The following TENM2 variants were observed in gnomAD, a reference collection of about 807,000 sequenced individuals.
The protein encoded by TENM2 is teneurin transmembrane protein 2, also known as teneurin-2.
A neutral mutation model predicts 245.2 loss-of-function variants in TENM2; 52 were observed. That is an observed-to-expected ratio of 0.21 (90% CI 0.17 to 0.27). TENM2 has a LOEUF of 0.27. TENM2 is among the 10% of genes least tolerant of loss of function. TENM2 has a pLI of 1.00. For missense variants in TENM2, 3,046 were observed against 3,666.8 expected (o/e 0.83, Z 4.37); for synonymous variants, 1,363 against 1,438.9 (o/e 0.95, Z 1.19).
At chr5:167,611,078 G>T (rs577367136) in intron 2 of TENM2, among the ~76,000 whole-genome samples, 7 of 152,278 alleles carry the variant, frequency 4.6e-5, no homozygotes, top group African/African-American at 1.7e-4. Flanking sequence ...TATAGTAGCT[G>T]TAGGCCTTCC....
At position 167,458,367 on chromosome 5, in the gene TENM2, A is replaced by G. The variant is rs182655527; in HGVS notation, c.502+82894A>G. 1.2e-3 allele frequency among the ~76,000 whole-genome samples: 171 copies of G among 145,230 alleles called. 2 individuals are homozygous for G. The South Asian group carries it at 0.015, about 13-fold the overall frequency. On this transcript the variant is annotated intron_variant, in intron 2 of 28. Coordinates refer to ENST00000518659, the Ensembl canonical transcript of TENM2. ...CTGGGTGTGGTGGCACGTGCCTGTG[A>G]TCCCAGCTACTCAGGAGTCTGAGGC...
At chr5:167,020,834 A>T in the TENM2 span, among the ~76,000 whole-genome samples, 3 of 152,196 alleles carry the variant, frequency 2.0e-5, no homozygotes, top group African/African-American at 7.2e-5. Flanking sequence ...TATTAAAGGG[A>T]TGGAGAAGAC....
chr5:167,489,726 T>C (rs1402339840), intron 2 of TENM2, among the ~76,000 whole-genome samples: 3 of 152,226 alleles, frequency 2.0e-5, no homozygotes, highest in Non-Finnish European at 4.4e-5. Context: ...CTAAGCACAG[T>C]ATGTACTGGA....
chr5:167,741,436 G>T (rs1029415588), intron 2 of TENM2, among the ~76,000 whole-genome samples: 3 of 152,162 alleles, frequency 2.0e-5, no homozygotes, highest in African/African-American at 7.2e-5. Flanking sequence ...TCAGGTTTTA[G>T]CACTTAAAGT....
intron 25 of TENM2, among the ~76,000 whole-genome samples, chr5:168,230,294 CTATGAGAT>C (rs1350658214): frequency 6.6e-6 from 1 of 152,212 alleles, no homozygotes; most frequent in African/African-American, 2.4e-5. Flanking sequence ...ATGAAAATCA[CTATGAGAT>C]TATAACAGGT....
At chr5:167,878,603 GTGTTT>G (rs1188982122) in intron 3 of TENM2, among the ~76,000 whole-genome samples, 2 of 128,408 alleles carry the variant, frequency 1.6e-5, no homozygotes, top group Non-Finnish European at 3.5e-5. Context: ...GTGTGTGTGT[GTGTTT>G]CTTGTGGAAT....
intron 6 of TENM2, among the ~76,000 whole-genome samples, chr5:168,056,035 C>T (rs1789516473): frequency 6.6e-6 from 1 of 152,214 alleles, no homozygotes; most frequent in Non-Finnish European, 1.5e-5. Context: ...CTGTCTGCCT[C>T]TCAGTGATGT....
At chr5:168,139,425 TTTAG>T in intron 12 of TENM2, 1 of 455,076 alleles carries the variant, frequency 2.2e-6, no homozygotes, top group East Asian at 6.9e-5. Flanking sequence ...TATAATCTAA[TTTAG>T]TTAGATTACT....
At chr5:167,692,699 A>G (rs1757510165) in intron 2 of TENM2, among the ~76,000 whole-genome samples, 1 of 152,198 alleles carries the variant, frequency 6.6e-6, no homozygotes, top group Admixed American at 6.5e-5. Flanking sequence ...TAAGGTAGGG[A>G]GACCCAGCTG....
At chr5:167,978,190 A>G (rs1782580677) in intron 4 of TENM2, among the ~76,000 whole-genome samples, 1 of 152,126 alleles carries the variant, frequency 6.6e-6, no homozygotes, top group Admixed American at 6.5e-5. Flanking sequence ...TTTGTAAATT[A>G]CCCAGTCTCA....
At chr5:167,857,090 A>G (rs148116740) in intron 2 of TENM2, among the ~76,000 whole-genome samples, 59 of 152,264 alleles carry the variant, frequency 3.9e-4, no homozygotes, top group African/African-American at 1.4e-3. Flanking sequence ...TATTCAATAC[A>G]TATGTGTTCA....
At chr5:167,931,241 A>G (rs1778256763) in intron 3 of TENM2, among the ~76,000 whole-genome samples, 1 of 152,230 alleles carries the variant, frequency 6.6e-6, no homozygotes, top group Admixed American at 6.5e-5. Context: ...GATTCCTGCT[A>G]TGCAAACAGA....
At chr5:167,518,040 A>C (rs1582268511) in intron 2 of TENM2, among the ~76,000 whole-genome samples, 1 of 152,000 alleles carries the variant, frequency 6.6e-6, no homozygotes, top group Non-Finnish European at 1.5e-5. Flanking sequence ...TACAAAAATT[A>C]GTCGGATGTT....
intron 4 of TENM2, among the ~76,000 whole-genome samples, chr5:167,990,790 G>A (rs1433416522): frequency 6.6e-6 from 1 of 152,164 alleles, no homozygotes; most frequent in Admixed American, 6.5e-5. Flanking sequence ...TGACATGATT[G>A]TCAGTCATAT....
chr5:167,342,544 G>A (rs1462916440), intron 1 of TENM2, among the ~76,000 whole-genome samples: 9 of 102,184 alleles, frequency 8.8e-5, no homozygotes, highest in East Asian at 6.0e-4. Flanking sequence ...TTTTTGAGAC[G>A]GAGTCTCGCT....
intron 2 of TENM2, among the ~76,000 whole-genome samples, chr5:167,822,199 C>T (rs576304628): frequency 4.4e-4 from 67 of 151,662 alleles, no homozygotes; most frequent in African/African-American, 1.3e-3. Context: ...CACGCCCTCT[C>T]GGTCACATTG....
At chr5:167,794,527 C>G (rs1765192299) in intron 2 of TENM2, among the ~76,000 whole-genome samples, 1 of 152,156 alleles carries the variant, frequency 6.6e-6, no homozygotes, top group Non-Finnish European at 1.5e-5. Flanking sequence ...CTTCTGTGTT[C>G]CGGTTGCTGA....
At chr5:168,127,948 C>A (rs1050420410) in intron 12 of TENM2, among the ~76,000 whole-genome samples, 3 of 152,236 alleles carry the variant, frequency 2.0e-5, no homozygotes, top group Non-Finnish European at 4.4e-5. Context: ...CCCTGCCTAA[C>A]AACCCCAGTC....
At chr5:167,925,648 C>T (rs6871739) in intron 3 of TENM2, among the ~76,000 whole-genome samples, 5,115 of 152,214 alleles carry the variant, frequency 0.034, 288 homozygotes, top group African/African-American at 0.11. Context: ...TAAAGAGGCA[C>T]GCACATAAAT....
Sources: allele counts gnomAD v4.1 joint callset (sites outside exome capture counted in the v4.1 genomes callset), GRCh38; gene constraint gnomAD v4.1.1; transcripts MANE v1.5; gene names NCBI Gene and HGNC (gene_info 2026-07-23, HGNC 2026-07-21).